TASOR: variants seen among roughly 807,000 people sequenced by gnomAD.
TASOR encodes the protein protein TASOR.
TASOR carries 53 observed loss-of-function variants against 178.6 expected under a neutral mutation model. The observed-to-expected ratio is 0.30, with a 90% CI of 0.24 to 0.37. TASOR has a LOEUF of 0.37. Ranked by LOEUF, TASOR falls within the 10% of genes least tolerant of loss-of-function variation. The pLI, the probability that TASOR is intolerant of heterozygous loss-of-function variation, is 1.00. For synonymous variants in TASOR, 713 were observed against 696.2 expected (o/e 1.02, Z -0.38); for missense variants, 1,815 against 1,971.4 (o/e 0.92, Z 1.50).
In TASOR at chr3:56,623,609, AGTTT is replaced by A. The variant is rs374479800; in HGVS notation, c.4484-47_4484-44del. On this transcript the variant is annotated intron_variant, in intron 23 of 23. Coordinates refer to ENST00000683822, the MANE Select transcript of TASOR (RefSeq NM_001365635.2). ...AAAGTCCTCCTCTATTGAAATACAC[AGTTT>A]GTTTAAGTTTTAAAATTATACACTA... 2.8e-4 allele frequency: 425 copies of A among 1,540,662 alleles called. 3 individuals carry two copies. Among genetic ancestry groups the A allele is most frequent in the Middle Eastern group, 1.8e-3 (10 of 5,684 alleles).
intron 11 of TASOR, among the ~76,000 whole-genome samples, chr3:56,654,098 C>A (rs2077417847): frequency 6.6e-6 from 1 of 152,054 alleles, no homozygotes; most frequent in South Asian, 2.1e-4. Flanking sequence ...GAAACCCTGT[C>A]TCTACTAAAA....
At position 56,625,180 on chromosome 3, in the gene TASOR, A is replaced by G. The variant is rs769968300; in HGVS notation, c.4140-174T>C. Reference sequence around the variant, plus strand: ...TTCTTTGGAAAGAAAGAAAGAAGGGATAAGTCCAGGGGTTTCTTGGTCGCG... The same window carrying G: ...TTCTTTGGAAAGAAAGAAAGAAGGGGTAAGTCCAGGGGTTTCTTGGTCGCG... On this transcript the variant is annotated intron_variant, in intron 21 of 23. Transcript: ENST00000683822. Among the ~76,000 whole-genome samples the G allele has an allele frequency of 5.3e-5, 8 of 152,218 alleles. No homozygotes were observed. The South Asian group carries it at 8.3e-4, about 16-fold the overall frequency.
At chr3:56,651,020 T>C (rs1266781770) in intron 11 of TASOR, among the ~76,000 whole-genome samples, 2 of 152,170 alleles carry the variant, frequency 1.3e-5, no homozygotes, top group African/African-American at 4.8e-5. Flanking sequence ...TCTCACTCAC[T>C]CCAAATACTA....
chr3:56,635,157 G>A (rs186429205), intron 17 of TASOR, among the ~76,000 whole-genome samples: 5 of 152,224 alleles, frequency 3.3e-5, no homozygotes, highest in Admixed American at 1.3e-4. Flanking sequence ...ACTAGGAGTC[G>A]AGCTTATGAC....
At chr3:56,664,918 T>C (rs1352425495) in intron 7 of TASOR, among the ~76,000 whole-genome samples, 3 of 152,206 alleles carry the variant, frequency 2.0e-5, no homozygotes, top group African/African-American at 7.2e-5. Context: ...CTCATGCCTA[T>C]AATCCTAGTG....
chr3:56,654,644 C>G lies in TASOR; in HGVS notation c.1369-5587G>C, dbSNP rs1258977807. ...GACTGAGTAAAGCAAGCCAACCTCC[C>G]TAATGCAGGTTGGCCATATCCAATC... On this transcript the variant is annotated intron_variant, in intron 11 of 23. Coordinates refer to ENST00000683822, the MANE Select transcript of TASOR (RefSeq NM_001365635.2). Among the ~76,000 whole-genome samples, 12 of 152,234 alleles carry G rather than the reference C, an allele frequency of 7.9e-5. No homozygotes were observed. In the East Asian group the frequency reaches 2.3e-3, roughly 29 times the overall value.
intron 11 of TASOR, among the ~76,000 whole-genome samples, chr3:56,657,646 A>AG (rs1224285212): frequency 1.3e-5 from 2 of 152,192 alleles, no homozygotes; most frequent in Non-Finnish European, 2.9e-5. Context: ...AGAGGTTCCT[A>AG]GGTTAAGTCC....
At chr3:56,681,659 T>TA (rs2031798615) in intron 1 of TASOR, among the ~76,000 whole-genome samples, 1 of 152,056 alleles carries the variant, frequency 6.6e-6, no homozygotes, top group Non-Finnish European at 1.5e-5. Context: ...CCAAAGTAAA[T>TA]AATGAAAACC....
At chr3:56,675,811 G>A (rs957812175) in intron 1 of TASOR, among the ~76,000 whole-genome samples, 2 of 152,194 alleles carry the variant, frequency 1.3e-5, no homozygotes, top group Admixed American at 6.5e-5. Context: ...GCAGCGAACC[G>A]TTATCTTTTT....
rs767498756 is a variant in TASOR at position 56,646,859 on chromosome 3, A to G, written c.1878T>C (p.Asn626=). ...ICKLKELFEE[N]RKLQQFSPLS... ...GTGGACTAAACTGCTGAAGTTTTCT[A>G]TTTTCTTCAAATAGTTCTTTTAATT... Residue 626 remains asparagine (N), a synonymous_variant, in exon 14 of 24, where the codon AAT becomes AAC. Transcript: ENST00000683822. 2.5e-6 allele frequency: 4 copies of G among 1,605,516 alleles called. No homozygotes were observed. Among genetic ancestry groups the G allele is most frequent in the South Asian group, 2.3e-5 (2 of 88,338 alleles).
chr3:56,654,382 T>A (rs1187895499), intron 11 of TASOR, among the ~76,000 whole-genome samples: 4 of 69,208 alleles, frequency 5.8e-5, no homozygotes, highest in African/African-American at 3.4e-4. Context: ...CTTTAAAAGC[T>A]GTGGCAGGGG....
intron 11 of TASOR, among the ~76,000 whole-genome samples, chr3:56,655,903 C>T (rs558173619): frequency 1.3e-5 from 2 of 152,108 alleles, no homozygotes; most frequent in African/African-American, 4.8e-5. Flanking sequence ...CTTATGATGA[C>T]GTGAGATGAT....
chr3:56,671,798 AAAT>A lies in TASOR; in HGVS notation c.478-109_478-107del, dbSNP rs2030766159. Reference sequence around the variant, plus strand: ...AAATCTCACACCTACCAAAATGGAAAAATAATCTCTATCTCTCTATACTCTCTG... The same window carrying A: ...AAATCTCACACCTACCAAAATGGAAAAATCTCTATCTCTCTATACTCTCTG... On this transcript the variant is annotated intron_variant, in intron 2 of 23. Transcript: ENST00000683822. The A allele has an allele frequency of 5.1e-6, 4 of 786,310 alleles. No homozygotes were observed. The East Asian group carries it at 1.1e-4, about 21-fold the overall frequency. The allele number at this position is 786,310 out of a possible 1,614,324, so 48.7% of individuals were successfully genotyped here.
rs576375097 is a variant in TASOR, at chr3:56,626,541, G to A, written c.4139+496C>T. Among the ~76,000 whole-genome samples the A allele has an allele frequency of 9.2e-5, 14 of 152,112 alleles. No homozygotes were observed. The East Asian group carries it at 1.5e-3, about 17-fold the overall frequency. ...GTGGATCACCTGAAGACAGGAGTTCGAGACCAGCCGGGCCAACACGGTGAA... is the reference window on the plus strand; with the variant it reads ...GTGGATCACCTGAAGACAGGAGTTCAAGACCAGCCGGGCCAACACGGTGAA... On this transcript the variant is annotated intron_variant, in intron 21 of 23. Transcript: ENST00000683822.
intron 16 of TASOR, among the ~76,000 whole-genome samples, chr3:56,639,610 A>G (rs969472334): frequency 2.0e-5 from 3 of 152,216 alleles, no homozygotes; most frequent in African/African-American, 7.2e-5. Flanking sequence ...GGTGAAGTTT[A>G]AAGTTTGAGA....
intron 11 of TASOR, among the ~76,000 whole-genome samples, chr3:56,651,197 C>T (rs191652895): frequency 6.6e-6 from 1 of 151,820 alleles, no homozygotes; most frequent in African/African-American, 2.4e-5. Context: ...GAAATCCATT[C>T]AACTCTGCAG....
Position 56,622,685 on chromosome 3 carries a change from G to GTACTT in TASOR, c.*347_*351dup, listed in dbSNP as rs1193573596. 1 of 160,024 alleles carries GTACTT rather than the reference G, an allele frequency of 6.2e-6. No individual in the cohort carries two copies. Among genetic ancestry groups the GTACTT allele is most frequent in the Non-Finnish European group, 1.4e-5 (1 of 73,478 alleles). The allele number at this position is 160,024 out of a possible 1,614,324, so 9.9% of individuals were successfully genotyped here. A position where few individuals can be genotyped will look rare whatever the true frequency, so the allele number is the denominator to read the frequency against. ...ATCAAAATAATTCACTTCAACAAAA[G>GTACTT]TACTTTATATCAGGTGACATTAGAG... On this transcript the variant is annotated 3_prime_UTR_variant, in exon 24 of 24. Coordinates refer to ENST00000683822, the MANE Select transcript of TASOR (RefSeq NM_001365635.2).
chr3:56,654,904 A>C (rs554373712), intron 11 of TASOR, among the ~76,000 whole-genome samples: 1 of 152,320 alleles, frequency 6.6e-6, no homozygotes, highest in African/African-American at 2.4e-5. Flanking sequence ...CTGGGTCTCC[A>C]GCTTGTTAAC....
intron 11 of TASOR, among the ~76,000 whole-genome samples, chr3:56,654,931 G>C (rs2077438322): frequency 6.6e-6 from 1 of 152,034 alleles, no homozygotes; most frequent in African/African-American, 2.4e-5. Context: ...TATGATCTTG[G>C]GACATGTCAG....
Sources: gnomAD v4.1 joint callset for allele counts (sites outside exome capture counted in the v4.1 genomes callset) on GRCh38, gnomAD v4.1.1 for gene constraint, MANE v1.5 for transcripts, NCBI Gene and HGNC (gene_info 2026-07-23, HGNC 2026-07-21) for gene names.